The following ZMYND8 variants were observed in gnomAD, a reference collection of about 807,000 sequenced individuals.
ZMYND8 encodes zinc finger MYND-type containing 8, also known as MYND-type zinc finger-containing chromatin reader ZMYND8.
ZMYND8 carries 37 observed loss-of-function variants against 140.8 expected under a neutral mutation model. The ratio of observed to expected loss-of-function variants is 0.26; its 90% CI spans 0.20 to 0.35. The LOEUF (loss-of-function observed/expected upper bound fraction) is 0.35, where lower values mean the gene tolerates loss of function less well. ZMYND8 is among the 10% of genes least tolerant of loss of function. The pLI, the probability that ZMYND8 is intolerant of heterozygous loss-of-function variation, is 1.00. For synonymous variants in ZMYND8, 592 were observed against 597.1 expected (o/e 0.99, Z 0.12); for missense variants, 1,068 against 1,570.0 (o/e 0.68, Z 5.40).
At chr20:47,241,741 C>T (rs536734695) in intron 14 of ZMYND8, among the ~76,000 whole-genome samples, 1 of 152,042 alleles carries the variant, frequency 6.6e-6, no homozygotes, top group African/African-American at 2.4e-5. Context: ...CAGGTACAAG[C>T]CAGCACCCCG....
chr20:47,352,120 T>C (rs1345340419), intron 1 of ZMYND8: 2 of 651,436 alleles, frequency 3.1e-6, no homozygotes, highest in Non-Finnish European at 3.8e-6. Context: ...CGGACAGGTG[T>C]CTGTGCAAAC....
chr20:47,330,744 AAACAAAGCCATCCTCTCTC>A (rs1276290345), intron 2 of ZMYND8, among the ~76,000 whole-genome samples: 1 of 152,164 alleles, frequency 6.6e-6, no homozygotes, highest in African/African-American at 2.4e-5. Flanking sequence ...TTAATGCTGA[AAACAAAGCCATCCTCTCTC>A]GCCGAAAGGC....
chr20:47,288,392 C>CTT (rs11411701), intron 7 of ZMYND8, among the ~76,000 whole-genome samples: 36,482 of 123,188 alleles, frequency 0.3, 6,197 homozygotes, highest in Non-Finnish European at 0.34. Flanking sequence ...TACACCAATT[C>CTT]TTTTTTTTTT....
At chr20:47,221,607 A>C in intron 19 of ZMYND8, 133 bp from the exon 20 acceptor site, 1 of 1,143,404 alleles carries the variant, frequency 8.7e-7, no homozygotes, top group Non-Finnish European at 1.2e-6. Context: ...GTGGAGGCTC[A>C]AGGGGGCCAG....
intron 13 of ZMYND8, among the ~76,000 whole-genome samples, chr20:47,247,053 C>T (rs1383197551): frequency 1.3e-5 from 2 of 152,212 alleles, no homozygotes; most frequent in African/African-American, 4.8e-5. Flanking sequence ...TAAGCCAAAG[C>T]CTTAAAGCAG....
rs2040549085 is a variant in ZMYND8, at chr20:47,246,263, T to G, written c.2029A>C (p.Lys677Gln). The stretch of plus-strand genomic sequence containing the variant: ...TCCTTGACTGCTCCAGGGTCTGCCT[T>G]CTCGCTGGCTGGTGACGTGCTTTTC... Reference protein sequence around the residue: ...ELKSTSPASEKADPGAVKDKA... With the variant: ...ELKSTSPASEQADPGAVKDKA... Residue 677 changes from lysine to glutamine, a missense_variant, in exon 14 of 23, where the codon AAG becomes CAG. This residue lies in a region of ZMYND8 where 383 missense variants were observed against 431.2 expected (regional missense o/e 0.89). Transcript: ENST00000471951. 1 of 1,614,066 alleles carries G rather than the reference T, an allele frequency of 6.2e-7. No individual in the cohort carries two copies. The highest frequency in any genetic ancestry group is 1.7e-5 in the Admixed American group (1 of 60,002).
At position 47,321,856 on chromosome 20, in the gene ZMYND8, CTTTTTTT is replaced by C. The variant is rs60425976; in HGVS notation, c.86-11659_86-11653del. 4.4e-3 allele frequency among the ~76,000 whole-genome samples: 542 copies of C among 123,464 alleles called. 4 individuals are homozygous for C. Among genetic ancestry groups the C allele is most frequent in the African/African-American group, 0.016 (498 of 30,408 alleles). The allele number at this position is 123,464 out of a possible 152,430, so 81.0% of individuals were successfully genotyped here. A position where few individuals can be genotyped will look rare whatever the true frequency, so the allele number is the denominator to read the frequency against. On this transcript the variant is annotated intron_variant, in intron 2 of 22. Transcript: ENST00000471951. ...ATCGATTTATTTAAAACTCGCCGCCCTTTTTTTTTTTTTTTTTTTTTTGAAACAGAGT... is the reference window on the plus strand; with the variant it reads ...ATCGATTTATTTAAAACTCGCCGCCCTTTTTTTTTTTTTTTGAAACAGAGT...
intron 2 of ZMYND8, among the ~76,000 whole-genome samples, chr20:47,341,729 C>T (rs1365719336): frequency 6.6e-6 from 1 of 151,354 alleles, no homozygotes; most frequent in Non-Finnish European, 1.5e-5. Flanking sequence ...CTTGGCCGGG[C>T]GCGGTGGCTC....
intron 2 of ZMYND8, among the ~76,000 whole-genome samples, chr20:47,346,586 C>G (rs1205219138): frequency 6.6e-6 from 1 of 152,060 alleles, no homozygotes. Flanking sequence ...ACTGGACCCT[C>G]AACTTTGCCC....
intron 16 of ZMYND8, among the ~76,000 whole-genome samples, chr20:47,235,658 G>C (rs974677963): frequency 6.6e-6 from 1 of 150,788 alleles, no homozygotes; most frequent in African/African-American, 2.5e-5. Context: ...AGTGAGACGA[G>C]ATTGTGTCAC....
intron 2 of ZMYND8, among the ~76,000 whole-genome samples, chr20:47,327,530 C>T (rs2080537289): frequency 6.6e-6 from 1 of 152,014 alleles, no homozygotes; most frequent in South Asian, 2.1e-4. Flanking sequence ...GTGGCACACA[C>T]CTGTAGTTCC....
At chr20:47,281,882 A>G (rs2076627966) in intron 10 of ZMYND8, among the ~76,000 whole-genome samples, 1 of 152,212 alleles carries the variant, frequency 6.6e-6, no homozygotes, top group East Asian at 1.9e-4. Context: ...CAACAGACCC[A>G]GTAAAGTAAG....
intron 20 of ZMYND8, among the ~76,000 whole-genome samples, chr20:47,220,648 T>C (rs1411464177): frequency 6.6e-6 from 1 of 152,224 alleles, no homozygotes; most frequent in Admixed American, 6.5e-5. Flanking sequence ...AGTACATTAC[T>C]TCAAAATTCT....
chr20:47,356,607 G>T (rs752406202), intron 1 of ZMYND8, 50 bp downstream of exon 1: 5 of 1,614,046 alleles, frequency 3.1e-6, no homozygotes, highest in Non-Finnish European at 4.2e-6. Context: ...CCCACAATTC[G>T]GATGTCTCAG....
Position 47,262,318 on chromosome 20 carries a change from T to C in ZMYND8, c.1591A>G (p.Thr531Ala), listed in dbSNP as rs2075214867. ...TTAAGATTCAGGATGCTGCCGGTGG[T>C]GGAGGTTTTGTCCGTTTTCGTCGTG... is the stretch of plus-strand genomic sequence containing the variant. The part of the protein sequence containing the change: ...PITTKTDKTS[T>A]TGSILNLNLD... Residue 531 changes from threonine (T) to alanine (A), a missense_variant, in exon 12 of 23, where the codon ACC becomes GCC. By Grantham distance (58) the Thr-to-Ala change is moderately conservative (BLOSUM62 0). This residue lies in a region of ZMYND8 where 173 missense variants were observed against 223.3 expected (regional missense o/e 0.77). Transcript: ENST00000471951. The C allele has an allele frequency of 6.2e-7, 1 of 1,614,052 alleles. No individual in the cohort carries two copies. Among genetic ancestry groups the C allele is most frequent in the Non-Finnish European group, 8.5e-7 (1 of 1,180,020 alleles).
At chr20:47,276,292 C>T (rs555220918) in intron 11 of ZMYND8, 22 bp downstream of exon 11, 14 of 1,504,790 alleles carry the variant, frequency 9.3e-6, no homozygotes, top group African/African-American at 1.4e-5. Flanking sequence ...GCCTCCTCCC[C>T]GCTCCCCCGC....
chr20:47,329,990 G>A (rs548088527), intron 2 of ZMYND8, among the ~76,000 whole-genome samples: 1 of 152,188 alleles, frequency 6.6e-6, no homozygotes, highest in Non-Finnish European at 1.5e-5. Flanking sequence ...GAATACTTTC[G>A]TGGGCAATTT....
chr20:47,318,580 G>A (rs1601878556), intron 2 of ZMYND8: 2 of 380,746 alleles, frequency 5.3e-6, no homozygotes, highest in East Asian at 7.3e-5. Context: ...GAATGCCTAA[G>A]CCAGGAGGAA....
chr20:47,276,799 G>A lies in ZMYND8; in HGVS notation c.999-4C>T, dbSNP rs1423829246. On this transcript the variant is annotated splice_region_variant and splice_polypyrimidine_tract_variant and intron_variant, in intron 10 of 22. Coordinates refer to ENST00000471951, the MANE Select transcript of ZMYND8 (RefSeq NM_001281775.3). ...ATTATTTATTGGAACCCAGGCCCTA[G>A]AAGGGCAAAAGATAAAGAGAGTTTA... is the stretch of plus-strand genomic sequence containing the variant. 2 of 1,594,468 alleles carry A rather than the reference G, an allele frequency of 1.3e-6. No individual in the cohort carries two copies. The highest frequency in any genetic ancestry group is 2.2e-5 in the East Asian group (1 of 44,680).
Sources: allele counts gnomAD v4.1 joint callset (sites outside exome capture counted in the v4.1 genomes callset), GRCh38; gene constraint gnomAD v4.1.1; regional missense constraint gnomAD v4.1.1; transcripts MANE v1.5; gene names NCBI Gene and HGNC (gene_info 2026-07-23, HGNC 2026-07-21).